SLIT3: variants seen among roughly 807,000 people sequenced by gnomAD.
The protein encoded by SLIT3 is slit guidance ligand 3.
SLIT3 carries 68 observed loss-of-function variants against 184.0 expected under a neutral mutation model. The ratio of observed to expected loss-of-function variants is 0.37; its 90% CI spans 0.30 to 0.45. SLIT3 has a LOEUF of 0.45. Among genes scored for constraint, SLIT3 ranks in the 20% least tolerant of loss-of-function variants. The pLI is 1.00. For missense variants in SLIT3, 1,707 were observed against 2,026.0 expected (o/e 0.84, Z 3.02); for synonymous variants, 831 against 828.6 (o/e 1.00, Z -0.05).
At chr5:169,093,059 T>A (rs544626324) in intron 4 of SLIT3, among the ~76,000 whole-genome samples, 1 of 152,214 alleles carries the variant, frequency 6.6e-6, no homozygotes, top group Non-Finnish European at 1.5e-5. Flanking sequence ...GTTGGATATA[T>A]TTGTTAGGCC....
At chr5:169,104,223 C>T (rs1478675239) in intron 4 of SLIT3, among the ~76,000 whole-genome samples, 1 of 152,140 alleles carries the variant, frequency 6.6e-6, no homozygotes, top group African/African-American at 2.4e-5. Flanking sequence ...CATGAAGCCG[C>T]GCCGGGAAGC....
intron 12 of SLIT3, among the ~76,000 whole-genome samples, chr5:168,785,242 A>G (rs1756113422): frequency 6.6e-6 from 1 of 152,250 alleles, no homozygotes; most frequent in South Asian, 2.1e-4. Context: ...AAATTAAACT[A>G]TACTATGAGC....
intron 18 of SLIT3, chr5:168,752,388 G>GTTTTTTTTTTTTTTTTTTTTTT (rs35984907): frequency 9.1e-6 from 1 of 109,752 alleles, no homozygotes; most frequent in Non-Finnish European, 1.7e-5. Flanking sequence ...AAAGCCCCTG[G>GTTTTTTTTTTTTTTTTTTTTTT]TTTTTTTTTT....
At chr5:169,034,317 T>C (rs567682245) in intron 4 of SLIT3, among the ~76,000 whole-genome samples, 23 of 152,322 alleles carry the variant, frequency 1.5e-4, no homozygotes, top group African/African-American at 5.3e-4. Context: ...AAAAAACCTG[T>C]CAAGGCCAAT....
chr5:169,209,657 G>A (rs1300400169), intron 3 of SLIT3, among the ~76,000 whole-genome samples: 2 of 152,212 alleles, frequency 1.3e-5, no homozygotes, highest in Non-Finnish European at 2.9e-5. Flanking sequence ...GGACATGGAT[G>A]AAGCTGGAAA....
intron 4 of SLIT3, among the ~76,000 whole-genome samples, chr5:169,132,570 T>C (rs1036943793): frequency 2.0e-5 from 3 of 152,196 alleles, no homozygotes; most frequent in Non-Finnish European, 2.9e-5. Context: ...GCAGTTTCAG[T>C]AGATCTGAAA....
intron 4 of SLIT3, among the ~76,000 whole-genome samples, chr5:169,054,874 G>A (rs1757939143): frequency 6.6e-6 from 1 of 152,054 alleles, no homozygotes; most frequent in African/African-American, 2.4e-5. Context: ...CTGGCCTAGG[G>A]GGTCCCATTA....
intron 4 of SLIT3, among the ~76,000 whole-genome samples, chr5:169,189,256 GTCCATCACCAA>G (rs1389324614): frequency 2.0e-5 from 3 of 151,904 alleles, no homozygotes; most frequent in Non-Finnish European, 4.4e-5. Context: ...TATATGACAG[GTCCATCACCAA>G]TCCTTTTGAG....
intron 23 of SLIT3, among the ~76,000 whole-genome samples, chr5:168,713,120 G>A (rs1057304067): frequency 6.6e-6 from 1 of 152,226 alleles, no homozygotes; most frequent in Admixed American, 6.5e-5. Flanking sequence ...CCCGAGGAGA[G>A]TCTCTGGAGC....
chr5:168,801,966 C>A (rs1239309704), intron 9 of SLIT3, among the ~76,000 whole-genome samples: 1 of 152,144 alleles, frequency 6.6e-6, no homozygotes, highest in Non-Finnish European at 1.5e-5. Context: ...CCCTCCCCTT[C>A]CCCTAAAGTT....
intron 3 of SLIT3, among the ~76,000 whole-genome samples, chr5:169,212,125 G>C (rs1764286209): frequency 1.3e-5 from 2 of 152,134 alleles, no homozygotes; most frequent in African/African-American, 2.4e-5. Flanking sequence ...ATAATCCTTT[G>C]GGTATATACC....
intron 2 of SLIT3, among the ~76,000 whole-genome samples, chr5:169,250,727 G>A (rs1008025273): frequency 1.3e-5 from 2 of 152,196 alleles, no homozygotes; most frequent in African/African-American, 4.8e-5. Context: ...TAACTACCAA[G>A]TAAAGATGGA....
chr5:169,261,663 G>T (rs1270928365), intron 1 of SLIT3, among the ~76,000 whole-genome samples: 1 of 152,172 alleles, frequency 6.6e-6, no homozygotes, highest in Non-Finnish European at 1.5e-5. Flanking sequence ...CAATAGCAAA[G>T]AAGTTCCTTT....
At chr5:168,696,219 G>A (rs1040891685) in intron 28 of SLIT3, 73 bp downstream of exon 28, 2 of 1,555,378 alleles carry the variant, frequency 1.3e-6, no homozygotes, top group South Asian at 1.1e-5. Context: ...GAGAGTCCCT[G>A]GAGGAAGTTA....
intron 4 of SLIT3, among the ~76,000 whole-genome samples, chr5:169,034,094 GA>G: frequency 6.6e-6 from 1 of 152,170 alleles, no homozygotes; most frequent in Admixed American, 6.5e-5. Flanking sequence ...TTACAGGCGT[GA>G]GCCACCACAC....
chr5:169,180,586 ATGG>A (rs1763121522), intron 4 of SLIT3, among the ~76,000 whole-genome samples: 1 of 152,200 alleles, frequency 6.6e-6, no homozygotes, highest in African/African-American at 2.4e-5. Context: ...TTGGTAATGC[ATGG>A]TGAAGACAGA....
rs1562000076 is a variant in SLIT3 at position 168,907,961 on chromosome 5, TATATATATATATATATATAG to T, written c.414-24645_414-24626del. The stretch of plus-strand genomic sequence containing the variant: ...TTATACGTGTATATATATATATATA[TATATATATATATATATATAG>T]AGAGAGAGAGAGAGAGAGAGAGAGA... On this transcript the variant is annotated intron_variant, in intron 4 of 35. Coordinates refer to ENST00000519560, the MANE Select transcript of SLIT3 (RefSeq NM_003062.4). 9.8e-3 allele frequency among the ~76,000 whole-genome samples: 804 copies of T among 82,256 alleles called. 2 individuals carry two copies. Among genetic ancestry groups the T allele is most frequent in the East Asian group, 0.034 (106 of 3,114 alleles). The allele number at this position is 82,256 out of a possible 152,430, so 54.0% of individuals were successfully genotyped here. A position where few individuals can be genotyped will look rare whatever the true frequency, so the allele number is the denominator to read the frequency against.
At chr5:168,927,035 C>G (rs1761850199) in intron 4 of SLIT3, among the ~76,000 whole-genome samples, 1 of 152,140 alleles carries the variant, frequency 6.6e-6, no homozygotes, top group African/African-American at 2.4e-5. Context: ...ATATACCCCC[C>G]TAAATTGAAT....
intron 23 of SLIT3, among the ~76,000 whole-genome samples, chr5:168,715,487 G>A (rs917818741): frequency 6.6e-6 from 1 of 152,158 alleles, no homozygotes; most frequent in African/African-American, 2.4e-5. Context: ...GAGCCAAGGA[G>A]AGACACTTCT....
Sources: gnomAD v4.1 joint callset for allele counts (sites outside exome capture counted in the v4.1 genomes callset) on GRCh38, gnomAD v4.1.1 for gene constraint, MANE v1.5 for transcripts, NCBI Gene and HGNC (gene_info 2026-07-23, HGNC 2026-07-21) for gene names.